Variants in PHF24 observed in about 807,000 individuals in gnomAD.
PHF24 encodes Galpha inhibitory interacting protein.
PHF24 carries 25 observed loss-of-function variants against 42.6 expected under a neutral mutation model. That is an observed-to-expected ratio of 0.59 (90% CI 0.43 to 0.82). The LOEUF (loss-of-function observed/expected upper bound fraction) is 0.82, where lower values mean the gene tolerates loss of function less well. PHF24 is among the 40% of genes least tolerant of loss of function. PHF24 has a pLI of 0.00. For missense variants in PHF24, 470 were observed against 538.1 expected, an observed-to-expected ratio of 0.87 and a Z score of 1.25; for synonymous variants, 185 against 204.8, an observed-to-expected ratio of 0.90 and a Z score of 0.83.
chr9:34,731,088 C>T, the PHF24 span, among the ~76,000 whole-genome samples: 3 of 152,128 alleles, frequency 2.0e-5, no homozygotes, highest in Admixed American at 2.0e-4. Flanking sequence ...ATCCCTGTCT[C>T]CTCCTATTTT....
the PHF24 span, chr9:34,709,748 C>A: frequency 6.2e-7 from 1 of 1,613,956 alleles, no homozygotes; most frequent in African/African-American, 1.3e-5. Context: ...CCGTCACCAG[C>A]CAGTACCCAC....
upstream of PHF24, among the ~76,000 whole-genome samples, chr9:34,953,502 G>T (rs2132824079): frequency 6.6e-6 from 1 of 152,312 alleles, no homozygotes; most frequent in East Asian, 1.9e-4. This position sits in a 1 kb window ranked among gnomAD's most constrained non-coding sequence, Gnocchi z 4.1. Context: ...TGTTTCTTTG[G>T]TAGGACAGGT....
chr9:34,728,033 G>A, the PHF24 span: 2 of 1,552,140 alleles, frequency 1.3e-6, no homozygotes, highest in South Asian at 1.2e-5. Flanking sequence ...TTTTAATGAT[G>A]GAGAGCAGCT....
chr9:34,786,694 G>A, the PHF24 span, among the ~76,000 whole-genome samples: 1 of 152,168 alleles, frequency 6.6e-6, no homozygotes, highest in South Asian at 2.1e-4. Flanking sequence ...TTCCTAAAAT[G>A]TTGAGGGCTT....
the PHF24 span, among the ~76,000 whole-genome samples, chr9:34,864,349 C>G: frequency 6.6e-6 from 1 of 152,094 alleles, no homozygotes; most frequent in South Asian, 2.1e-4. Flanking sequence ...CTCAAGGCAT[C>G]TAATGAACTC....
At chr9:34,726,368 A>C in the PHF24 span, 5 of 1,547,094 alleles carry the variant, frequency 3.2e-6, no homozygotes, top group Non-Finnish European at 4.4e-6. Context: ...AAGCCTCAGC[A>C]CTTCAGGACT....
chr9:34,929,335 G>A, the PHF24 span, among the ~76,000 whole-genome samples: 598 of 152,256 alleles, frequency 3.9e-3, 4 homozygotes, highest in African/African-American at 0.014. Flanking sequence ...GGGTTAGGGT[G>A]TCTGTGAAAA....
chr9:34,812,798 G>A, the PHF24 span, among the ~76,000 whole-genome samples: 44,558 of 152,066 alleles, frequency 0.29, 7,294 homozygotes, highest in East Asian at 0.56. Context: ...CTTGCACTTC[G>A]TAAAGCAGTG....
chr9:34,832,643 C>G, the PHF24 span: 2 of 1,540,276 alleles, frequency 1.3e-6, no homozygotes, highest in African/African-American at 2.8e-5. Context: ...GGTTAATACA[C>G]TCCAGAAAAC....
chr9:34,849,041 T>C, the PHF24 span, among the ~76,000 whole-genome samples: 6 of 152,230 alleles, frequency 3.9e-5, no homozygotes, highest in Admixed American at 2.0e-4. Flanking sequence ...AATTTTGGAA[T>C]AGGTGCAGTG....
chr9:34,960,038 A>AG (rs1179713947), intron 1 of PHF24, among the ~76,000 whole-genome samples: 1 of 152,194 alleles, frequency 6.6e-6, no homozygotes, highest in Non-Finnish European at 1.5e-5. Flanking sequence ...GGAGTCTGTT[A>AG]GGGGGAGCGC....
At chr9:34,976,653 C>T (rs370988134) in exon 5 of PHF24, 62 of 1,614,192 alleles carry the variant, frequency 3.8e-5, no homozygotes, top group Admixed American at 2.2e-4. Context: ...AGTTTGCTGC[C>T]CTGGACCCTG....
chr9:34,739,506 G>A, the PHF24 span, among the ~76,000 whole-genome samples: 1 of 152,182 alleles, frequency 6.6e-6, no homozygotes, highest in East Asian at 1.9e-4. Flanking sequence ...TGGTCTCACT[G>A]ACTTCAAGAA....
chr9:34,980,828 A>T (rs1364550748), exon 8 of PHF24: 1 of 152,226 alleles, frequency 6.6e-6, no homozygotes, highest in African/African-American at 2.4e-5. Flanking sequence ...GTTTCTAACC[A>T]AGGAAGGCCT....
the PHF24 span, among the ~76,000 whole-genome samples, chr9:34,684,359 C>T: frequency 2.6e-5 from 4 of 152,274 alleles, no homozygotes; most frequent in East Asian, 5.8e-4. Flanking sequence ...GGGGGCCTTA[C>T]ACTAACATTC....
the PHF24 span, chr9:34,892,782 A>G: frequency 1.7e-6 from 1 of 577,822 alleles, no homozygotes; most frequent in South Asian, 2.4e-5. Flanking sequence ...GGGACTTGAG[A>G]TCTCTGTCCT....
At chr9:34,908,072 A>G in the PHF24 span, among the ~76,000 whole-genome samples, 510 of 152,004 alleles carry the variant, frequency 3.4e-3, 1 homozygote, top group South Asian at 0.018. Context: ...CGAACTCCCG[A>G]CCTCGTGATC....
At chr9:34,857,970 TG>T in the PHF24 span, among the ~76,000 whole-genome samples, 6,291 of 87,122 alleles carry the variant, frequency 0.072, 241 homozygotes, top group African/African-American at 0.17. Context: ...ATTGTTTCTC[TG>T]GTTTTTTTTT....
At chr9:34,769,201 C>T in the PHF24 span, among the ~76,000 whole-genome samples, 9 of 152,136 alleles carry the variant, frequency 5.9e-5, no homozygotes, top group African/African-American at 1.7e-4. Flanking sequence ...ACTGCAACTT[C>T]GCCTCCCAGG....
Sources: gnomAD v4.1 joint callset for allele counts (sites outside exome capture counted in the v4.1 genomes callset) on GRCh38, gnomAD v4.1.1 for gene constraint, Gnocchi (gnomAD v3.1) non-coding constraint, MANE v1.5 for transcripts, NCBI Gene and HGNC (gene_info 2026-07-23, HGNC 2026-07-21) for gene names.